Variants in RABEP1 observed in about 807,000 individuals in gnomAD.
The protein encoded by RABEP1 is rabaptin, RAB GTPase binding effector protein 1, also known as rab GTPase-binding effector protein 1.
Under a neutral mutation model 123.4 loss-of-function variants are expected in RABEP1, and 51 were observed. The ratio of observed to expected loss-of-function variants is 0.41; its 90% CI spans 0.33 to 0.52. The LOEUF is 0.52. Among genes scored for constraint, RABEP1 ranks in the 20% least tolerant of loss-of-function variants. RABEP1 has a pLI of 0.16. For synonymous variants in RABEP1, 347 were observed against 355.2 expected (o/e 0.98, Z 0.26); for missense variants, 888 against 996.3 (o/e 0.89, Z 1.46).
rs867436529 is a variant in RABEP1 at position 5,299,729 on chromosome 17, T to C, written c.35-8965T>C. ...TTCTTTTTTTCTTTTCTTTTTCTTT[T>C]TCTTTTTTTTTTTTTTTTGGAGGCA... On this transcript the variant is annotated intron_variant, in intron 1 of 17. Transcript: ENST00000537505. Among the ~76,000 whole-genome samples the C allele has an allele frequency of 1.2e-4, 14 of 114,970 alleles. 1 individual carries two copies. The highest frequency in any genetic ancestry group is 4.2e-4 in the Admixed American group (5 of 12,028). 75.4% of individuals were successfully genotyped at this position (114,970 alleles called of 152,430 possible). A position where few individuals can be genotyped will look rare whatever the true frequency, so the allele number is the denominator to read the frequency against.
intron 16 of RABEP1, chr17:5,380,681 C>T (rs1911380330): frequency 1.8e-6 from 1 of 547,288 alleles, no homozygotes. Flanking sequence ...CATAGGCTAG[C>T]TTCAGATAGT....
chr17:5,285,680 A>C (rs2074971102), intron 1 of RABEP1, among the ~76,000 whole-genome samples: 1 of 152,212 alleles, frequency 6.6e-6, no homozygotes, highest in Admixed American at 6.5e-5. Context: ...GTACTATTGA[A>C]TATTACTGCT....
At chr17:5,351,265 A>C (rs1038076322) in intron 7 of RABEP1, among the ~76,000 whole-genome samples, 1 of 151,978 alleles carries the variant, frequency 6.6e-6, no homozygotes, top group Non-Finnish European at 1.5e-5. Context: ...TAGTTATTGA[A>C]ATTGCATGAA....
Position 5,354,368 on chromosome 17 carries a change from G to T in RABEP1, c.973G>T (p.Glu325Ter). The change falls in exon 8 of 18, where the codon GAA (glutamate) becomes TAA (stop). Residue 325 changes from glutamate to a stop codon, truncating the protein, a stop_gained. Coordinates refer to ENST00000537505, the MANE Select transcript of RABEP1 (RefSeq NM_004703.6). LOFTEE classifies it high-confidence loss of function. The stretch of plus-strand genomic sequence containing the variant: ...TTTTTCTTCCTTTTAGGAGGATGAT[G>T]AACAACAAAGACTCAATAAGAGAAA... ...ELKKKDQEDDEQQRLNKRKDH... is the reference protein window; with the variant it reads ...ELKKKDQEDD 6.2e-7 allele frequency: 1 copy of T among 1,609,038 alleles called. No individual in the cohort carries two copies. Among genetic ancestry groups the T allele is most frequent in the South Asian group, 1.1e-5 (1 of 89,852 alleles).
At chr17:5,379,494 C>G (rs1294278208) in intron 15 of RABEP1, among the ~76,000 whole-genome samples, 3 of 147,426 alleles carry the variant, frequency 2.0e-5, no homozygotes, top group Admixed American at 2.0e-4. Flanking sequence ...CTTCCTCCCT[C>G]TGTTGCCACA....
chr17:5,384,826 A>G lies in RABEP1; in HGVS notation c.*1603A>G, dbSNP rs1033105017. On this transcript the variant is annotated 3_prime_UTR_variant, in exon 18 of 18. Coordinates refer to ENST00000537505, the MANE Select transcript of RABEP1 (RefSeq NM_004703.6). ...TACATGGTTTAGATAAAGGAAACATATAACTATTGAGTTACAGGGGATTTT... is the reference window on the plus strand; with the variant it reads ...TACATGGTTTAGATAAAGGAAACATGTAACTATTGAGTTACAGGGGATTTT... 9 of 217,264 alleles carry G rather than the reference A, an allele frequency of 4.1e-5. No homozygotes were observed. The highest frequency in any genetic ancestry group is 1.6e-4 in the African/African-American group (7 of 44,658). 13.5% of individuals were successfully genotyped at this position (217,264 alleles called of 1,614,324 possible).
At chr17:5,299,368 G>A (rs1442022061) in intron 1 of RABEP1, among the ~76,000 whole-genome samples, 1 of 151,038 alleles carries the variant, frequency 6.6e-6, no homozygotes, top group Non-Finnish European at 1.5e-5. Flanking sequence ...TGGGTACTAG[G>A]TGTGTAGCAG....
At chr17:5,376,269 T>G (rs1310749704) in intron 13 of RABEP1, among the ~76,000 whole-genome samples, 4 of 152,066 alleles carry the variant, frequency 2.6e-5, no homozygotes, top group African/African-American at 9.7e-5. Flanking sequence ...TGTGGTGAGA[T>G]ATGATTATGC....
intron 1 of RABEP1, among the ~76,000 whole-genome samples, chr17:5,296,350 G>A (rs1229692736): frequency 1.3e-5 from 2 of 151,986 alleles, no homozygotes; most frequent in African/African-American, 4.8e-5. Flanking sequence ...CACAACCTCC[G>A]CCTCCAAAGT....
chr17:5,340,701 C>T (rs1056088681), intron 5 of RABEP1, among the ~76,000 whole-genome samples: 1 of 150,236 alleles, frequency 6.7e-6, no homozygotes. Flanking sequence ...AATCCCAGCA[C>T]TTTGGGAGGC....
chr17:5,367,130 G>A (rs1467681125), intron 11 of RABEP1, among the ~76,000 whole-genome samples: 1 of 151,622 alleles, frequency 6.6e-6, no homozygotes, highest in Non-Finnish European at 1.5e-5. Flanking sequence ...ATTTCTTTAT[G>A]GTTTGTGATT....
intron 5 of RABEP1, among the ~76,000 whole-genome samples, chr17:5,343,670 C>CTTTTTTTTTTTTTTTTTT (rs753410845): frequency 7.0e-5 from 7 of 99,942 alleles, no homozygotes; most frequent in East Asian, 3.7e-4. Flanking sequence ...TTTCTTTTCT[C>CTTTTTTTTTTTTTTTTTT]TTTTTTTTTT....
At chr17:5,365,512 T>C (rs1909934324) in intron 11 of RABEP1, among the ~76,000 whole-genome samples, 1 of 152,130 alleles carries the variant, frequency 6.6e-6, no homozygotes, top group Non-Finnish European at 1.5e-5. Flanking sequence ...CACTGGAAAC[T>C]TGCTGACAAA....
At chr17:5,286,235 C>T (rs1159362056) in intron 1 of RABEP1, among the ~76,000 whole-genome samples, 2 of 152,198 alleles carry the variant, frequency 1.3e-5, no homozygotes, top group Non-Finnish European at 2.9e-5. Flanking sequence ...GTGGCTCATG[C>T]CTGTAATCCC....
chr17:5,310,202 A>G (rs1056077366), intron 2 of RABEP1, among the ~76,000 whole-genome samples: 3 of 152,042 alleles, frequency 2.0e-5, no homozygotes, highest in Admixed American at 2.0e-4. Flanking sequence ...TACAACCTTC[A>G]TACATGTTAA....
chr17:5,302,093 G>T (rs2075140088), intron 1 of RABEP1, among the ~76,000 whole-genome samples: 1 of 152,074 alleles, frequency 6.6e-6, no homozygotes, highest in Admixed American at 6.6e-5. Context: ...GAGCAACTTG[G>T]ATAATGAAGC....
At chr17:5,297,267 C>T (rs1475455986) in intron 1 of RABEP1, among the ~76,000 whole-genome samples, 2 of 152,032 alleles carry the variant, frequency 1.3e-5, no homozygotes, top group Admixed American at 6.6e-5. Flanking sequence ...AAATTGTACA[C>T]AAGACTTTTT....
intron 1 of RABEP1, among the ~76,000 whole-genome samples, chr17:5,301,495 C>T (rs750242307): frequency 6.6e-6 from 1 of 152,160 alleles, no homozygotes; most frequent in Non-Finnish European, 1.5e-5. Flanking sequence ...TGAAAGTAAC[C>T]TGTCCACAAA....
At chr17:5,333,255 C>T (rs1906738366) in intron 3 of RABEP1, among the ~76,000 whole-genome samples, 1 of 150,610 alleles carries the variant, frequency 6.6e-6, no homozygotes, top group Non-Finnish European at 1.5e-5. Flanking sequence ...CTCCGCCTTC[C>T]AGGTTCAAGC....
Sources: allele counts gnomAD v4.1 joint callset (sites outside exome capture counted in the v4.1 genomes callset), GRCh38; gene constraint gnomAD v4.1.1; transcripts MANE v1.5; gene names NCBI Gene and HGNC (gene_info 2026-07-23, HGNC 2026-07-21).